Variants in TIAM1 observed in about 807,000 individuals in gnomAD.
TIAM1 encodes the protein TIAM Rac1 associated GEF 1, also known as rho guanine nucleotide exchange factor TIAM1.
In TIAM1, 65 loss-of-function variants were observed where a neutral mutation model predicts 163.5. The observed-to-expected ratio is 0.40, with a 90% CI of 0.33 to 0.49. The LOEUF is 0.49. Ranked by LOEUF, TIAM1 falls within the 20% of genes least tolerant of loss-of-function variation. The pLI, the probability that TIAM1 is intolerant of heterozygous loss-of-function variation, is 0.77. For synonymous variants in TIAM1, 833 were observed against 810.1 expected (o/e 1.03, Z -0.48); for missense variants, 1,789 against 2,044.7 (o/e 0.87, Z 2.41).
intron 2 of TIAM1, among the ~76,000 whole-genome samples, chr21:31,292,686 T>C (rs1601848620): frequency 1.4e-5 from 2 of 143,244 alleles, no homozygotes; most frequent in East Asian, 4.3e-4. Flanking sequence ...TTTTTTTTTT[T>C]AAGACAAGGT....
intron 2 of TIAM1, among the ~76,000 whole-genome samples, chr21:31,456,276 G>A (rs56772294): frequency 0.04 from 6,138 of 152,318 alleles, 432 homozygotes; most frequent in African/African-American, 0.14. Context: ...GAGAGATGGA[G>A]GAGGCTCAGG....
At chr21:31,241,869 G>C (rs1326954437) in intron 6 of TIAM1, among the ~76,000 whole-genome samples, 4 of 152,030 alleles carry the variant, frequency 2.6e-5, no homozygotes, top group African/African-American at 7.2e-5. Context: ...AATCAGCCAG[G>C]TGTGGTGGTG....
intron 19 of TIAM1, among the ~76,000 whole-genome samples, chr21:31,147,750 T>C (rs2083196799): frequency 7.0e-6 from 1 of 142,278 alleles, no homozygotes; most frequent in Admixed American, 7.1e-5. Context: ...AAATATATAA[T>C]ATATAATTAA....
intron 2 of TIAM1, among the ~76,000 whole-genome samples, chr21:31,291,178 G>A (rs1472240744): frequency 6.6e-6 from 1 of 152,156 alleles, no homozygotes; most frequent in African/African-American, 2.4e-5. Context: ...ATTTCTCAGT[G>A]TGGGTGATTT....
intron 1 of TIAM1, among the ~76,000 whole-genome samples, chr21:31,485,506 G>A (rs1464642583): frequency 6.6e-6 from 1 of 152,128 alleles, no homozygotes; most frequent in African/African-American, 2.4e-5. Context: ...GAGGCAGAGA[G>A]AAAGCAAAAC....
chr21:31,368,544 G>A (rs763642312), intron 2 of TIAM1, among the ~76,000 whole-genome samples: 2 of 152,082 alleles, frequency 1.3e-5, no homozygotes, highest in Admixed American at 6.6e-5. Context: ...TAAAAATAGC[G>A]ACCAAACTTT....
In TIAM1 at chr21:31,223,537, G is replaced by A. The variant is rs200045310; in HGVS notation, c.1864C>T (p.Arg622Cys). Residue 622 changes from arginine to cysteine, a missense_variant, in exon 8 of 28, where the codon CGC (arginine) becomes TGC (cysteine). By Grantham distance (180) the Arg-to-Cys change is radical. Around this residue, in one of 5 missense-constraint regions of TIAM1, gnomAD observed 456 missense variants for 586.6 expected, o/e 0.78. Coordinates refer to ENST00000541036, the MANE Select transcript of TIAM1 (RefSeq NM_001353694.2). Reference sequence around the variant, plus strand: ...CCCTGAAGGCTGGCTAAATAACAGCGGAAACGAAACAGGTCCATTTGGAAC... The same window carrying A: ...CCCTGAAGGCTGGCTAAATAACAGCAGAAACGAAACAGGTCCATTTGGAAC... The part of the protein sequence containing the change: ...EQFQMDLFRF[R>C]CYLASLQGGE... 15 of 1,613,168 alleles carry A rather than the reference G, an allele frequency of 9.3e-6. No homozygotes were observed. The highest frequency in any genetic ancestry group is 1.3e-5 in the African/African-American group (1 of 74,892).
At position 31,360,493 on chromosome 21, in the gene TIAM1, C is replaced by A. The variant is rs577917002; in HGVS notation, c.-368-21071G>T. Among the ~76,000 whole-genome samples the A allele has an allele frequency of 2.0e-5, 3 of 151,538 alleles. No homozygotes were observed. The South Asian group carries it at 6.3e-4, about 32-fold the overall frequency. On this transcript the variant is annotated intron_variant, in intron 2 of 28. Transcript: ENST00000286827. The stretch of plus-strand genomic sequence containing the variant: ...CAATCCAAGGTAGCTATGGGTAATC[C>A]TGAGGTTTTTTTAATAGGATAGACA...
intron 2 of TIAM1, among the ~76,000 whole-genome samples, chr21:31,398,914 G>A (rs1027337896): frequency 2.6e-5 from 4 of 152,168 alleles, no homozygotes; most frequent in East Asian, 1.9e-4. Flanking sequence ...GGTGGCTCAC[G>A]CCTATAATCC....
intron 12 of TIAM1, among the ~76,000 whole-genome samples, chr21:31,197,825 T>C (rs1221765114): frequency 6.6e-6 from 1 of 152,086 alleles, no homozygotes; most frequent in Non-Finnish European, 1.5e-5. Flanking sequence ...CTTTCCTAAA[T>C]TCAGAAGACC....
chr21:31,492,065 T>C (rs1179904293), intron 1 of TIAM1, among the ~76,000 whole-genome samples: 1 of 152,082 alleles, frequency 6.6e-6, no homozygotes, highest in African/African-American at 2.4e-5. Context: ...ATATATGTGA[T>C]GTGTGTATAT....
intron 2 of TIAM1, among the ~76,000 whole-genome samples, chr21:31,291,718 T>A (rs2074030127): frequency 6.6e-6 from 1 of 152,236 alleles, no homozygotes; most frequent in African/African-American, 2.4e-5. Context: ...AGAAAGAGTT[T>A]CGCCATGTTG....
At chr21:31,192,679 T>A (rs2085621889) in intron 13 of TIAM1, among the ~76,000 whole-genome samples, 1 of 152,160 alleles carries the variant, frequency 6.6e-6, no homozygotes, top group Non-Finnish European at 1.5e-5. Flanking sequence ...GAGGTAGTCT[T>A]TATGTCTTTC....
At chr21:31,411,627 C>T (rs1025214385) in intron 2 of TIAM1, among the ~76,000 whole-genome samples, 2 of 152,068 alleles carry the variant, frequency 1.3e-5, no homozygotes, top group Non-Finnish European at 2.9e-5. Flanking sequence ...AGGTGCCTGC[C>T]ACCATGCCCA....
At chr21:31,229,986 C>T (rs1027778750) in intron 6 of TIAM1, among the ~76,000 whole-genome samples, 14 of 152,174 alleles carry the variant, frequency 9.2e-5, no homozygotes, top group Admixed American at 3.9e-4. Context: ...AATGTGTGGG[C>T]ATCCAGATGC....
chr21:31,222,694 TATATATA>T (rs1569056118), intron 8 of TIAM1, among the ~76,000 whole-genome samples: 6 of 38,110 alleles, frequency 1.6e-4, no homozygotes, highest in South Asian at 1.1e-3. Context: ...TATATATATA[TATATATA>T]TATATATTTT....
Position 31,147,131 on chromosome 21 carries a change from G to A in TIAM1, c.3367-128C>T, listed in dbSNP as rs3746852. The A allele has an allele frequency of 5.1e-4, 363 of 710,796 alleles. No homozygotes were observed. In the East Asian group the frequency reaches 8.6e-3, roughly 17 times the overall value. The allele number at this position is 710,796 out of a possible 1,614,324, so 44.0% of individuals were successfully genotyped here. ...ATCAACATCTTCCGTGCCTGTCAGA[G>A]CCTTTCTTTGCTATCAAATGCCCTA... is the stretch of plus-strand genomic sequence containing the variant. On this transcript the variant is annotated intron_variant, in intron 19 of 27. Coordinates refer to ENST00000541036, the MANE Select transcript of TIAM1 (RefSeq NM_001353694.2).
intron 2 of TIAM1, among the ~76,000 whole-genome samples, chr21:31,337,896 T>C (rs562934968): frequency 6.6e-6 from 1 of 152,216 alleles, no homozygotes; most frequent in African/African-American, 2.4e-5. Flanking sequence ...GATAATACAA[T>C]GTGTCTGTAT....
chr21:31,386,533 G>A (rs1202048171), intron 2 of TIAM1, among the ~76,000 whole-genome samples: 1 of 152,192 alleles, frequency 6.6e-6, no homozygotes, highest in Non-Finnish European at 1.5e-5. Flanking sequence ...AACTGCCGCA[G>A]CCCTTCCAGA....
Sources: allele counts gnomAD v4.1 joint callset (sites outside exome capture counted in the v4.1 genomes callset), GRCh38; gene constraint gnomAD v4.1.1; regional missense constraint gnomAD v4.1.1; transcripts MANE v1.5; gene names NCBI Gene and HGNC (gene_info 2026-07-23, HGNC 2026-07-21).